Variants in AUTS2 observed in about 807,000 individuals in gnomAD.
AUTS2 encodes autism susceptibility gene 2 protein.
AUTS2 carries 17 observed loss-of-function variants against 112.4 expected under a neutral mutation model. The observed-to-expected ratio is 0.15, with a 90% CI of 0.10 to 0.23. AUTS2 has a LOEUF of 0.23. AUTS2 is among the 10% of genes least tolerant of loss of function. The probability of loss-of-function intolerance (pLI) is 1.00; values close to 1 mark genes in which losing one functional copy is unlikely to be tolerated. For missense variants in AUTS2, 1,510 were observed against 1,701.6 expected (o/e 0.89, Z 1.98); for synonymous variants, 751 against 702.7 (o/e 1.07, Z -1.09).
intron 3 of AUTS2, among the ~76,000 whole-genome samples, chr7:70,126,692 C>G (rs1805990203): frequency 6.6e-6 from 1 of 152,180 alleles, no homozygotes; most frequent in Non-Finnish European, 1.5e-5. Context: ...GCAAAACTTA[C>G]TTAAAAACTT....
intron 4 of AUTS2, among the ~76,000 whole-genome samples, chr7:70,298,187 A>G (rs1445609042): frequency 6.6e-6 from 1 of 151,690 alleles, no homozygotes; most frequent in East Asian, 2.0e-4. Context: ...GGCCACCACC[A>G]CGCCCAGCTA....
chr7:70,033,751 G>T (rs1013526461), intron 2 of AUTS2, among the ~76,000 whole-genome samples: 2 of 152,066 alleles, frequency 1.3e-5, no homozygotes, highest in Non-Finnish European at 2.9e-5. Context: ...CTCATATGTG[G>T]GAGCTACAAA....
intron 5 of AUTS2, among the ~76,000 whole-genome samples, chr7:70,670,249 G>C (rs1239201038): frequency 1.3e-5 from 2 of 152,128 alleles, no homozygotes; most frequent in Non-Finnish European, 2.9e-5. Flanking sequence ...TGCACACCAA[G>C]AGCCTAGGTG....
At chr7:70,094,106 GAGGACTTTCCCATTTTCCCTA>G (rs1299561362) in intron 2 of AUTS2, among the ~76,000 whole-genome samples, 1 of 152,118 alleles carries the variant, frequency 6.6e-6, no homozygotes, top group East Asian at 1.9e-4. Flanking sequence ...ATAGTCCTTT[GAGGACTTTCCCATTTTCCCTA>G]TAATAACCAA....
chr7:69,726,250 G>A (rs1278129827), intron 1 of AUTS2, among the ~76,000 whole-genome samples: 1 of 152,068 alleles, frequency 6.6e-6, no homozygotes, highest in African/African-American at 2.4e-5. Flanking sequence ...TGTTAACATA[G>A]TTTAGTTTTG....
intron 4 of AUTS2, among the ~76,000 whole-genome samples, chr7:70,428,861 T>C (rs1431325404): frequency 6.6e-6 from 1 of 152,236 alleles, no homozygotes; most frequent in Non-Finnish European, 1.5e-5. Context: ...ACATTCTGAA[T>C]GAAACAGAGA....
At chr7:69,888,849 C>T (rs2129538705) in intron 1 of AUTS2, among the ~76,000 whole-genome samples, 1 of 152,176 alleles carries the variant, frequency 6.6e-6, no homozygotes, top group African/African-American at 2.4e-5. Flanking sequence ...GCTAGGATTA[C>T]AGGCATGAGC....
At chr7:69,648,172 G>A (rs1357855610) in intron 1 of AUTS2, among the ~76,000 whole-genome samples, 1 of 152,086 alleles carries the variant, frequency 6.6e-6, no homozygotes, top group Non-Finnish European at 1.5e-5. Context: ...GCCTGCATGG[G>A]TTCCCAAAGC....
intron 1 of AUTS2, among the ~76,000 whole-genome samples, chr7:69,611,036 A>T (rs1489505895): frequency 6.6e-6 from 1 of 152,356 alleles, no homozygotes; most frequent in East Asian, 1.9e-4. Flanking sequence ...GCCTTAATGG[A>T]AGAAGCTGGC....
At chr7:70,315,849 A>C (rs1789969420) in intron 4 of AUTS2, among the ~76,000 whole-genome samples, 1 of 152,128 alleles carries the variant, frequency 6.6e-6, no homozygotes, top group Non-Finnish European at 1.5e-5. Flanking sequence ...TCCAGCTTAG[A>C]TTATTGTTCT....
intron 2 of AUTS2, among the ~76,000 whole-genome samples, chr7:70,079,574 A>G (rs537129086): frequency 6.6e-6 from 1 of 152,264 alleles, no homozygotes; most frequent in African/African-American, 2.4e-5. Context: ...TCAGTATTCA[A>G]AATTCATCAC....
At chr7:69,955,253 A>C (rs1273136429) in intron 2 of AUTS2, among the ~76,000 whole-genome samples, 1 of 152,160 alleles carries the variant, frequency 6.6e-6, no homozygotes, top group Non-Finnish European at 1.5e-5. Context: ...TTTACAGACC[A>C]TTATCTCTTC....
rs570215872 is a variant in AUTS2 at position 69,863,627 on chromosome 7, A to G, written c.310-35659A>G. Among the ~76,000 whole-genome samples the G allele has an allele frequency of 3.0e-4, 46 of 152,336 alleles. No homozygotes were observed. In the South Asian group the frequency reaches 6.2e-3, roughly 21 times the overall value. ...AACTGCTTACAGAAACCATGCCCCC[A>G]GTAATTATTCTGAATCTATGTGTTA... On this transcript the variant is annotated intron_variant, in intron 1 of 18. Coordinates refer to ENST00000342771, the MANE Select transcript of AUTS2 (RefSeq NM_015570.4).
chr7:69,607,229 T>C lies in AUTS2; in HGVS notation c.309+7267T>C, dbSNP rs536253707. Among the ~76,000 whole-genome samples the C allele has an allele frequency of 6.6e-4, 101 of 152,292 alleles. 1 individual carries two copies. The highest frequency in any genetic ancestry group is 2.2e-3 in the African/African-American group (93 of 41,568). ...CCTGAAATCATATGAATTGGTGCCTTCTTTGAAGGTGTTTATTTCATATAT... is the reference window on the plus strand; with the variant it reads ...CCTGAAATCATATGAATTGGTGCCTCCTTTGAAGGTGTTTATTTCATATAT... On this transcript the variant is annotated intron_variant, in intron 1 of 18. Transcript: ENST00000342771.
chr7:70,002,970 T>C (rs957874742), intron 2 of AUTS2, among the ~76,000 whole-genome samples: 1 of 151,440 alleles, frequency 6.6e-6, no homozygotes, highest in African/African-American at 2.4e-5. Flanking sequence ...TAATGTTAAT[T>C]TTTTGAAAAA....
chr7:70,698,700 TAG>T (rs1005172633), intron 6 of AUTS2, 80 bp downstream of exon 6: 1 of 1,082,394 alleles, frequency 9.2e-7, no homozygotes, highest in Non-Finnish European at 1.3e-6. Context: ...AAAGAAGAGC[TAG>T]AGTGATCTTT....
chr7:69,953,268 G>A (rs1054975352), intron 2 of AUTS2, among the ~76,000 whole-genome samples: 6 of 152,216 alleles, frequency 3.9e-5, no homozygotes, highest in African/African-American at 1.4e-4. Flanking sequence ...CTGCTTCCAC[G>A]TGGTGATTCT....
At chr7:69,776,389 G>A (rs550696683) in intron 1 of AUTS2, among the ~76,000 whole-genome samples, 1 of 152,252 alleles carries the variant, frequency 6.6e-6, no homozygotes, top group African/African-American at 2.4e-5. Context: ...TTCAGAGAGA[G>A]CATTCTTGCA....
At chr7:69,636,507 G>A (rs888571629) in intron 1 of AUTS2, among the ~76,000 whole-genome samples, 1 of 38,158 alleles carries the variant, frequency 2.6e-5, no homozygotes, top group South Asian at 7.7e-4. Flanking sequence ...GCCTCCCAAA[G>A]TGCTAGGATT....
Sources: gnomAD v4.1 joint callset for allele counts (sites outside exome capture counted in the v4.1 genomes callset) on GRCh38, gnomAD v4.1.1 for gene constraint, MANE v1.5 for transcripts, NCBI Gene and HGNC (gene_info 2026-07-23, HGNC 2026-07-21) for gene names.